The following POU5F1B variants were observed in gnomAD, a reference collection of about 807,000 sequenced individuals.
POU5F1B encodes the protein POU class 5 homeobox 1B.
In POU5F1B, 24 loss-of-function variants were observed where a neutral mutation model predicts 28.1. The observed-to-expected ratio is 0.85, with a 90% CI of 0.62 to 1.20. The LOEUF is 1.20. Among genes scored for constraint, POU5F1B ranks in the 50% most tolerant of loss-of-function variants. The pLI is 0.00. For missense variants in POU5F1B, 451 were observed against 451.5 expected (o/e 1.00, Z 0.01); for synonymous variants, 220 against 193.2 (o/e 1.14, Z -1.15).
At chr8:127,414,238 G>A (rs909445796) in intron 1 of POU5F1B, among the ~76,000 whole-genome samples, 10 of 152,316 alleles carry the variant, frequency 6.6e-5, no homozygotes, top group South Asian at 4.2e-4. Flanking sequence ...TCTAATTTCT[G>A]TAACAAGTAA....
chr8:127,416,813 G>C lies in POU5F1B; in HGVS notation c.947G>C (p.Gly316Ala), dbSNP rs768127363. Reference sequence around the variant, plus strand: ...CCAGTGTCCTTTCCTCCGGCCCCAGGGCCCCATTTTGGTACCCCAGGCTAT... The same window carrying C: ...CCAGTGTCCTTTCCTCCGGCCCCAGCGCCCCATTTTGGTACCCCAGGCTAT... The change falls in exon 3 of 3, where the codon GGG becomes GCG. Residue 316 changes from glycine to alanine, a missense_variant. Gly to Ala is a moderately conservative substitution (Grantham distance 60, BLOSUM62 0). Transcript: ENST00000465342. 1.9e-6 allele frequency: 3 copies of C among 1,605,668 alleles called. No homozygotes were observed. The South Asian group carries it at 3.4e-5, about 18-fold the overall frequency.
chr8:127,415,202 C>T (rs1001668645), intron 2 of POU5F1B, among the ~76,000 whole-genome samples: 5 of 152,180 alleles, frequency 3.3e-5, no homozygotes, highest in South Asian at 4.1e-4. Flanking sequence ...TGTTTTTAAG[C>T]TATTAAGTTT....
chr8:127,414,510 C>A (rs776350418), intron 1 of POU5F1B, among the ~76,000 whole-genome samples: 2 of 152,222 alleles, frequency 1.3e-5, no homozygotes, highest in Non-Finnish European at 2.9e-5. Flanking sequence ...TCCTGCAAAA[C>A]TGTGAAGATT....
chr8:127,414,118 A>G (rs1021521075), intron 1 of POU5F1B, among the ~76,000 whole-genome samples: 11 of 152,250 alleles, frequency 7.2e-5, no homozygotes, highest in Non-Finnish European at 1.3e-4. Context: ...AGGTAAAGTC[A>G]TATCTATCTT....
chr8:127,416,664 T>G, exon 3 of POU5F1B: 4 of 1,604,450 alleles, frequency 2.5e-6, no homozygotes, highest in Non-Finnish European at 3.4e-6. Context: ...CCCAGCAGCT[T>G]GGGCTCGAGA....
At chr8:127,416,310 A>G (rs923914195) in exon 3 of POU5F1B, 7 of 1,613,658 alleles carry the variant, frequency 4.3e-6, no homozygotes, top group Non-Finnish European at 5.9e-6. Context: ...AACTCGAGCA[A>G]TTTGCCAAGC....
exon 2 of POU5F1B, chr8:127,414,901 G>A (rs1815107760): frequency 6.6e-6 from 1 of 152,152 alleles, no homozygotes. Flanking sequence ...ATTCTCTCTG[G>A]GTGAATCCAG....
chr8:127,414,837 G>C (rs568832310), intron 1 of POU5F1B: 1 of 152,338 alleles, frequency 6.6e-6, no homozygotes, highest in South Asian at 2.1e-4. Context: ...CGATTTCAGA[G>C]ACTAGGTCAT....
exon 3 of POU5F1B, chr8:127,416,894 T>A (rs774283454): frequency 6.2e-7 from 1 of 1,600,510 alleles, no homozygotes; most frequent in South Asian, 1.1e-5. Context: ...GAGGGGGAAG[T>A]CTTTCCCCCA....
exon 3 of POU5F1B, chr8:127,416,768 G>T (rs1815150624): frequency 6.2e-7 from 1 of 1,607,242 alleles, no homozygotes; most frequent in Non-Finnish European, 8.5e-7. Context: ...GAGGCTGCTG[G>T]GTCTCCTTTC....
intron 1 of POU5F1B, among the ~76,000 whole-genome samples, chr8:127,413,857 T>TACACACACACACACACAC (rs3999776): frequency 5.8e-4 from 87 of 150,706 alleles, no homozygotes; most frequent in African/African-American, 2.0e-3. Context: ...AAAAAGGTGG[T>TACACACACACACACACAC]ACACACACAC....
chr8:127,416,649 C>T, exon 3 of POU5F1B: 1 of 1,601,514 alleles, frequency 6.2e-7, no homozygotes, highest in Non-Finnish European at 8.5e-7. Context: ...AGATCAGCCA[C>T]ATCGCCCAGC....
At chr8:127,415,179 G>T (rs1815111113) in intron 2 of POU5F1B, among the ~76,000 whole-genome samples, 2 of 152,208 alleles carry the variant, frequency 1.3e-5, no homozygotes. Context: ...AAAACTGTGA[G>T]CTATGTGTTA....
exon 3 of POU5F1B, chr8:127,416,664 T>A: frequency 1.2e-6 from 2 of 1,604,450 alleles, no homozygotes; most frequent in South Asian, 2.2e-5. Flanking sequence ...CCCAGCAGCT[T>A]GGGCTCGAGA....
rs902103024 is a variant in POU5F1B, at chr8:127,416,722, C to T, written c.856C>T (p.Arg286Ter). 2.5e-6 allele frequency: 4 copies of T among 1,609,386 alleles called. No individual in the cohort carries two copies. Among genetic ancestry groups the T allele is most frequent in the Non-Finnish European group, 3.4e-6 (4 of 1,177,704 alleles). The change falls in exon 3 of 3, where the codon CGA becomes TGA. Residue 286 changes from arginine to a stop codon, truncating the protein, a stop_gained. Coordinates refer to ENST00000465342, the Ensembl canonical transcript of POU5F1B. LOFTEE classifies it high-confidence loss of function. ...CTGTAACCGGCGCCAGAAGGGCAAG[C>T]GATCAAGCAGCGACTATGCACAACG... is the stretch of plus-strand genomic sequence containing the variant.
chr8:127,417,023 C>A (rs1815157095), exon 3 of POU5F1B: 1 of 1,550,142 alleles, frequency 6.5e-7, no homozygotes, highest in Non-Finnish European at 8.7e-7. Context: ...TGTGGCAGGG[C>A]TTTTGGGATT....
chr8:127,416,601 G>A (rs748851874), exon 3 of POU5F1B: 2 of 1,601,716 alleles, frequency 1.2e-6, no homozygotes, highest in Non-Finnish European at 1.7e-6. Flanking sequence ...GAGGCAACCT[G>A]GAGAATTTGT....
In POU5F1B at chr8:127,417,068, A is replaced by C. The variant is rs563132584; in HGVS notation, c.*122A>C. The C allele has an allele frequency of 8.5e-6, 12 of 1,404,358 alleles. No individual in the cohort carries two copies. In the South Asian group the frequency reaches 1.5e-4, roughly 18 times the overall value. 87.0% of individuals were successfully genotyped at this position (1,404,358 alleles called of 1,614,324 possible). ...ATTCACTAAGGAAGGAATTGGGAAC[A>C]CTAAGGGTGGGGGCAGGGGAGTTTG... On this transcript the variant is annotated 3_prime_UTR_variant, in exon 3 of 3. Transcript: ENST00000465342.
Position 127,416,478 on chromosome 8 carries a change from G to T in POU5F1B, c.612G>T (p.Leu204=), listed in dbSNP as rs1476760227. Residue 204 remains leucine (L), a synonymous_variant, in exon 3 of 3, where the codon CTG becomes CTT. Coordinates refer to ENST00000465342, the Ensembl canonical transcript of POU5F1B. Reference sequence around the variant, plus strand: ...ACATGTGTAAGCTGCGGCCCTTGCTGCAGAAGTGGGTGGAGGAAGCTGACA... The same window carrying T: ...ACATGTGTAAGCTGCGGCCCTTGCTTCAGAAGTGGGTGGAGGAAGCTGACA... 3.7e-6 allele frequency: 6 copies of T among 1,609,716 alleles called. No individual in the cohort carries two copies. In the South Asian group the frequency reaches 4.4e-5, roughly 12 times the overall value.
Sources: allele counts gnomAD v4.1 joint callset (sites outside exome capture counted in the v4.1 genomes callset), GRCh38; gene constraint gnomAD v4.1.1; transcripts MANE v1.5; gene names NCBI Gene and HGNC (gene_info 2026-07-23, HGNC 2026-07-21).